The following BSN variants were observed in gnomAD, a reference collection of about 807,000 sequenced individuals.
The protein encoded by BSN is bassoon presynaptic cytomatrix protein.
BSN carries 57 observed loss-of-function variants against 264.8 expected under a neutral mutation model. That is an observed-to-expected ratio of 0.22 (90% CI 0.17 to 0.27). BSN has a LOEUF of 0.27. BSN is among the 10% of genes least tolerant of loss of function. BSN has a pLI of 1.00. For missense variants in BSN, 4,615 were observed against 5,232.5 expected, an observed-to-expected ratio of 0.88 and a Z score of 3.64; for synonymous variants, 2,059 against 2,137.3, an observed-to-expected ratio of 0.96 and a Z score of 1.01.
At position 49,662,012 on chromosome 3, in the gene BSN, C is replaced by A. The variant is rs774751141; in HGVS notation, c.10167C>A (p.Pro3389=). ...TAGAGTCAGACCTGGCGTCCTACCC[C>A]CCACCTGCAGTCAGCAGCAGCCTGG... The part of the protein sequence containing the change: ...KDVESDLASY[P]PPAVSSSLVS... Residue 3389 remains proline (P), a synonymous_variant, in exon 6 of 12, where the codon CCC becomes CCA. Coordinates refer to ENST00000296452, the MANE Select transcript of BSN (RefSeq NM_003458.4). 10 of 1,613,882 alleles carry A rather than the reference C, an allele frequency of 6.2e-6. No homozygotes were observed. Among genetic ancestry groups the A allele is most frequent in the African/African-American group, 4.0e-5 (3 of 75,058 alleles).
chr3:49,645,960 G>GC (rs1387191589), intron 3 of BSN, among the ~76,000 whole-genome samples: 1 of 152,152 alleles, frequency 6.6e-6, no homozygotes, highest in African/African-American at 2.4e-5. Context: ...GACCCGTGGA[G>GC]CCCCCCTCAT....
chr3:49,583,863 C>A (rs1438059073), intron 1 of BSN, among the ~76,000 whole-genome samples: 1 of 151,288 alleles, frequency 6.6e-6, no homozygotes, highest in African/African-American at 2.4e-5. Flanking sequence ...TCTTGCAATC[C>A]GATTTATTTA....
chr3:49,563,712 A>G (rs1031774660), intron 1 of BSN, among the ~76,000 whole-genome samples: 1 of 152,046 alleles, frequency 6.6e-6, no homozygotes, highest in Non-Finnish European at 1.5e-5. Context: ...GTTTGCTCTG[A>G]TATCCTTTTA....
intron 3 of BSN, among the ~76,000 whole-genome samples, chr3:49,649,358 A>G (rs1238301450): frequency 6.6e-6 from 1 of 152,216 alleles, no homozygotes. Context: ...GGGATGAGTG[A>G]GTTCCCTGCA....
In BSN at chr3:49,625,945, C is replaced by T. The variant is rs1005614677; in HGVS notation, c.633+562C>T. 2.0e-5 allele frequency among the ~76,000 whole-genome samples: 3 copies of T among 152,150 alleles called. No individual in the cohort carries two copies. The highest frequency in any genetic ancestry group is 7.2e-5 in the African/African-American group (3 of 41,418). On this transcript the variant is annotated intron_variant, in intron 2 of 11. Coordinates refer to ENST00000296452, the MANE Select transcript of BSN (RefSeq NM_003458.4). This position sits in a 1 kb window ranked among gnomAD's most constrained non-coding sequence, Gnocchi z 4.4. ...GGACCTGAGGTGGTGGGGCAGCTAC[C>T]CCATCCCTAAAGAAATGACCTTGGG...
intron 2 of BSN, among the ~76,000 whole-genome samples, chr3:49,641,056 A>G (rs1386276172): frequency 6.6e-6 from 1 of 152,140 alleles, no homozygotes; most frequent in African/African-American, 2.4e-5. Flanking sequence ...GTTGGGTCAC[A>G]GAGTTGTGCT....
Position 49,642,425 on chromosome 3 carries a change from A to G in BSN, c.791A>G (p.Glu264Gly). 1.2e-6 allele frequency: 2 copies of G among 1,601,126 alleles called. No individual in the cohort carries two copies. The highest frequency in any genetic ancestry group is 2.2e-5 in the South Asian group (2 of 89,094). The change falls in exon 3 of 12, where the codon GAG becomes GGG. Residue 264 changes from glutamate (E) to glycine (G), a missense_variant. By Grantham distance (98) the Glu-to-Gly change is moderately conservative. This residue lies in a region of BSN where 1,197 missense variants were observed against 1,348.0 expected (regional missense o/e 0.89). Coordinates refer to ENST00000296452, the MANE Select transcript of BSN (RefSeq NM_003458.4). This position sits in a 1 kb window ranked among gnomAD's most constrained non-coding sequence, Gnocchi z 7.0. The stretch of plus-strand genomic sequence containing the variant: ...CAGCCCCTGGGGAAGCCAGACCAAG[A>G]GAGATCTCGGGGCCCAGGAGGACCA... ...AKQPLGKPDQ[E>G]RSRGPGGPQP...
At chr3:49,658,373 C>T (rs566116509) in intron 5 of BSN, among the ~76,000 whole-genome samples, 177 bp downstream of exon 5, 3 of 152,200 alleles carry the variant, frequency 2.0e-5, no homozygotes, top group East Asian at 1.9e-4. Flanking sequence ...GCCTGCAGCC[C>T]GGCAGACAGC....
In BSN at chr3:49,652,639, G is replaced by A. The variant is rs762032784; in HGVS notation, c.3083G>A (p.Arg1028His). The A allele has an allele frequency of 1.9e-5, 31 of 1,608,952 alleles. No homozygotes were observed. Among genetic ancestry groups the A allele is most frequent in the Non-Finnish European group, 2.4e-5 (28 of 1,177,760 alleles). ...AAGCAGCAGCGCAAGGCCCGGCACCGCTCCCACGGGCCCCTGCTACCCACC... is the reference window on the plus strand; with the variant it reads ...AAGCAGCAGCGCAAGGCCCGGCACCACTCCCACGGGCCCCTGCTACCCACC... Reference protein sequence around the residue: ...EAKQQRKARHRSHGPLLPTIE... With the variant: ...EAKQQRKARHHSHGPLLPTIE... The change falls in exon 5 of 12, where the codon CGC becomes CAC. Residue 1028 changes from arginine to histidine, a missense_variant. Coordinates refer to ENST00000296452, the MANE Select transcript of BSN (RefSeq NM_003458.4).
Position 49,657,435 on chromosome 3 carries a change from C to T in BSN, c.7879C>T (p.Arg2627Cys), listed in dbSNP as rs960073763. 6 of 1,612,720 alleles carry T rather than the reference C, an allele frequency of 3.7e-6. No homozygotes were observed. In the African/African-American group the frequency reaches 4.0e-5, roughly 11 times the overall value. The change falls in exon 5 of 12, where the codon CGC becomes TGC. Residue 2627 changes from arginine (R) to cysteine (C), a missense_variant. This residue lies in a region of BSN where 3,415 missense variants were observed against 3,866.4 expected (regional missense o/e 0.88). Coordinates refer to ENST00000296452, the MANE Select transcript of BSN (RefSeq NM_003458.4). ...CAGTGCTGAGTGGGAGCAGCCAGTG[C>T]GCCGCCGCAGGTCTCGTCTTCCCCG... ...EDSAEWEQPV[R>C]RRRSRLPRHS...
rs372867403 is a variant in BSN, at chr3:49,568,445, T to A, written c.224+13619T>A. Among the ~76,000 whole-genome samples, 17 of 152,346 alleles carry A rather than the reference T, an allele frequency of 1.1e-4. No individual in the cohort carries two copies. The East Asian group carries it at 2.3e-3, about 21-fold the overall frequency. On this transcript the variant is annotated intron_variant, in intron 1 of 11. Coordinates refer to ENST00000296452, the MANE Select transcript of BSN (RefSeq NM_003458.4). ...CCATCTTGTTCCCTCTACTTTATTC[T>A]CTTTGCCTTTCTGATAAGAAACAGT...
intron 1 of BSN, among the ~76,000 whole-genome samples, chr3:49,559,176 C>T (rs1303827582): frequency 7.9e-5 from 12 of 152,182 alleles, no homozygotes; most frequent in Admixed American, 1.3e-4. Context: ...ATCTGCCCGC[C>T]TCAGCCTCCC....
chr3:49,562,993 C>T (rs4241406), intron 1 of BSN, among the ~76,000 whole-genome samples: 66,302 of 152,060 alleles, frequency 0.44, 15,787 homozygotes, highest in East Asian at 0.93. Context: ...GCTCTGACAG[C>T]TGATTTCTGT....
At chr3:49,620,651 A>G (rs13096480) in intron 1 of BSN, among the ~76,000 whole-genome samples, 124,340 of 151,966 alleles carry the variant, frequency 0.82, 51,233 homozygotes, top group East Asian at 0.99. Context: ...AGCCAGTGCA[A>G]GGCTTAAGCA....
intron 1 of BSN, among the ~76,000 whole-genome samples, chr3:49,572,627 G>A (rs553794451): frequency 1.2e-4 from 19 of 152,130 alleles, no homozygotes; most frequent in Non-Finnish European, 2.6e-4. Flanking sequence ...TCCGCTTCCC[G>A]GGTTCACGCC....
intron 1 of BSN, among the ~76,000 whole-genome samples, chr3:49,606,255 TAAAATATATATA>T (rs1559603679): frequency 5.8e-3 from 23 of 3,942 alleles, no homozygotes; most frequent in Middle Eastern, 0.25. Flanking sequence ...ATATTATATA[TAAAATATATATA>T]ATATATATTA....
In BSN at chr3:49,651,892, A is replaced by C; in HGVS notation, c.2336A>C (p.Asp779Ala). Reference sequence around the variant, plus strand: ...TTTGACTCTGATGAGGAGCTGGAGGATATCCTGGAGGAAGACGAAGACTCT... The same window carrying C: ...TTTGACTCTGATGAGGAGCTGGAGGCTATCCTGGAGGAAGACGAAGACTCT... ...EAFDSDEELE[D>A]ILEEDEDSAE... Residue 779 changes from aspartate (D) to alanine (A), a missense_variant, in exon 5 of 12, where the codon GAT becomes GCT. By Grantham distance (126) the Asp-to-Ala change is moderately radical (BLOSUM62 -2). Around this residue, in one of 3 missense-constraint regions of BSN, gnomAD observed 1,197 missense variants for 1,348.0 expected, o/e 0.89. Transcript: ENST00000296452. The surrounding 1 kb of genome is among the most constrained non-coding windows in gnomAD (Gnocchi z 5.4). 1.9e-6 allele frequency: 3 copies of C among 1,613,996 alleles called. No individual in the cohort carries two copies. Among genetic ancestry groups the C allele is most frequent in the Non-Finnish European group, 2.5e-6 (3 of 1,180,022 alleles).
chr3:49,609,549 G>A (rs944107274), intron 1 of BSN, among the ~76,000 whole-genome samples: 18 of 152,262 alleles, frequency 1.2e-4, no homozygotes, highest in Admixed American at 1.0e-3. Flanking sequence ...GGAGCCACAT[G>A]GTAGAGTGCT....
intron 1 of BSN, among the ~76,000 whole-genome samples, chr3:49,608,304 C>T (rs766339035): frequency 2.0e-5 from 3 of 152,132 alleles, no homozygotes; most frequent in Non-Finnish European, 4.4e-5. Context: ...AAACAGACCA[C>T]CATCTATGTA....
Sources: gnomAD v4.1 joint callset for allele counts (sites outside exome capture counted in the v4.1 genomes callset) on GRCh38, gnomAD v4.1.1 for gene constraint, gnomAD v4.1.1 regional missense constraint, Gnocchi (gnomAD v3.1) non-coding constraint, MANE v1.5 for transcripts, NCBI Gene and HGNC (gene_info 2026-07-23, HGNC 2026-07-21) for gene names.